The following TARS3 variants were observed in gnomAD, a reference collection of about 807,000 sequenced individuals.
The protein encoded by TARS3 is threonyl-tRNA synthetase 3, also known as threonine--tRNA ligase 2, cytoplasmic.
A neutral mutation model predicts 103.5 loss-of-function variants in TARS3; 94 were observed. The observed-to-expected ratio is 0.91, with a 90% confidence interval of 0.77 to 1.08. The LOEUF (loss-of-function observed/expected upper bound fraction) is 1.08. Among genes scored for constraint, TARS3 ranks in the 50% least tolerant of loss-of-function variants. TARS3 has a pLI of 0.00. For missense variants in TARS3, 952 were observed against 995.2 expected, an observed-to-expected ratio of 0.96 and a Z score of 0.58; for synonymous variants, 416 against 355.4, an observed-to-expected ratio of 1.17 and a Z score of -1.92.
intron 10 of TARS3, among the ~76,000 whole-genome samples, chr15:101,697,503 C>T (rs1899038064): frequency 6.6e-6 from 1 of 152,086 alleles, no homozygotes; most frequent in South Asian, 2.1e-4. Context: ...GAGGTATAAA[C>T]CAAACGTGAA....
At position 101,657,837 on chromosome 15, in the gene TARS3, C is replaced by T. The variant is rs763895741; in HGVS notation, c.2093G>A (p.Arg698His). Residue 698 changes from arginine to histidine, a missense_variant, in exon 17 of 19, where the codon CGT becomes CAT. Physicochemically the swap from Arg to His is conservative, Grantham distance 29. This residue lies in a region of TARS3 where 540 missense variants were observed against 631.0 expected (regional missense o/e 0.86). Transcript: ENST00000335968. ...CCCCACAGGGATGACCATCACCTGA[C>T]GAGGAGATAGCCAGAAAGGCCTGAA... ...GGKWPFWLSP[R>H]QVMVIPVGPT... 3.5e-5 allele frequency: 57 copies of T among 1,606,630 alleles called. No individual in the cohort carries two copies. Among genetic ancestry groups the T allele is most frequent in the African/African-American group, 5.4e-5 (4 of 74,630 alleles).
chr15:101,712,082 G>C lies in TARS3; in HGVS notation c.691-81C>G, dbSNP rs144465479. 1.0e-3 allele frequency: 1,505 copies of C among 1,471,592 alleles called. 12 individuals are homozygous for C. In the African/African-American group the frequency reaches 0.019, roughly 19 times the overall value. The allele number at this position is 1,471,592 out of a possible 1,614,324, so 91.2% of individuals were successfully genotyped here. On this transcript the variant is annotated intron_variant, in intron 4 of 18. Transcript: ENST00000335968. The stretch of plus-strand genomic sequence containing the variant: ...AGTAGTAAAATGATGTAAACCAGTA[G>C]AAAATTTTAAGGAGATACATGGCAA...
Position 101,661,814 on chromosome 15 carries a change from T to C in TARS3, c.1970A>G (p.Lys657Arg), listed in dbSNP as rs1349812385. 2 of 1,566,892 alleles carry C rather than the reference T, an allele frequency of 1.3e-6. No homozygotes were observed. The highest frequency in any genetic ancestry group is 1.9e-5 in the Admixed American group (1 of 52,252). Residue 657 changes from lysine to arginine, a missense_variant and splice_region_variant, in exon 16 of 19, where the codon AAG (lysine) becomes AGG (arginine). By Grantham distance (26) the Lys-to-Arg change is conservative. Around this residue, in one of 2 missense-constraint regions of TARS3, gnomAD observed 540 missense variants for 631.0 expected, o/e 0.86. Coordinates refer to ENST00000335968, the MANE Select transcript of TARS3 (RefSeq NM_152334.3). ...AGGTCTCTTCTTATCATCCCCATCC[T>C]TACTAAAAAATGAAAATTATACATT... ...PIRFNLTYVS[K>R]DGDDKKRPVI...
chr15:101,659,175 G>A (rs1399112916), intron 16 of TARS3, among the ~76,000 whole-genome samples: 1 of 152,210 alleles, frequency 6.6e-6, no homozygotes, highest in Non-Finnish European at 1.5e-5. Context: ...GGCAGGGTAG[G>A]TATAAACAGT....
chr15:101,657,002 G>C lies in TARS3; in HGVS notation c.2180C>G (p.Ala727Gly), dbSNP rs1195780079. The C allele has an allele frequency of 1.2e-6, 2 of 1,613,746 alleles. No individual in the cohort carries two copies. The highest frequency in any genetic ancestry group is 1.7e-5 in the Admixed American group (1 of 60,016). ...ACAACTGTGATCCAAGTCAACGTCA[G>C]CCATAAATCCTTCTTCAAAAAATTC... Reference protein sequence around the residue: ...SSEFFEEGFMADVDLDHSCTL... With the variant: ...SSEFFEEGFMGDVDLDHSCTL... Residue 727 changes from alanine to glycine, a missense_variant, in exon 18 of 19, where the codon GCT becomes GGT. By Grantham distance (60) the Ala-to-Gly change is moderately conservative. Around this residue, in one of 2 missense-constraint regions of TARS3, gnomAD observed 540 missense variants for 631.0 expected, o/e 0.86. Coordinates refer to ENST00000335968, the MANE Select transcript of TARS3 (RefSeq NM_152334.3).
At chr15:101,709,402 T>C (rs942962423) in intron 5 of TARS3, among the ~76,000 whole-genome samples, 9 of 152,058 alleles carry the variant, frequency 5.9e-5, no homozygotes, top group African/African-American at 1.9e-4. Context: ...CAGTGCTCAC[T>C]CCCTCCTGCC....
At chr15:101,719,975 T>C (rs1900365186) in intron 3 of TARS3, among the ~76,000 whole-genome samples, 1 of 152,162 alleles carries the variant, frequency 6.6e-6, no homozygotes, top group Non-Finnish European at 1.5e-5. Flanking sequence ...GTGATGCCCA[T>C]GCTGCTGGTC....
chr15:101,681,185 T>A (rs903495525), intron 12 of TARS3, among the ~76,000 whole-genome samples: 1 of 152,242 alleles, frequency 6.6e-6, no homozygotes, highest in Non-Finnish European at 1.5e-5. Flanking sequence ...TTTCTCATAA[T>A]TCTTGAAACC....
chr15:101,709,619 C>G (rs568264414), intron 5 of TARS3, among the ~76,000 whole-genome samples: 23 of 152,330 alleles, frequency 1.5e-4, no homozygotes, highest in African/African-American at 5.5e-4. Context: ...CTACACCTGG[C>G]TGATGTTCCT....
At chr15:101,719,225 C>T (rs1482046227) in intron 3 of TARS3, among the ~76,000 whole-genome samples, 3 of 152,184 alleles carry the variant, frequency 2.0e-5, no homozygotes, top group African/African-American at 7.2e-5. Flanking sequence ...CTTCTTTTTT[C>T]CAAGCACACA....
intron 10 of TARS3, among the ~76,000 whole-genome samples, chr15:101,699,600 C>T (rs562522177): frequency 6.6e-6 from 1 of 152,284 alleles, no homozygotes; most frequent in African/African-American, 2.4e-5. Context: ...CACCACCTGC[C>T]TAAATGTAAA....
At position 101,702,239 on chromosome 15, in the gene TARS3, C is replaced by T. The variant is rs1482154097; in HGVS notation, c.1221G>A (p.Lys407=). The T allele has an allele frequency of 9.3e-6, 15 of 1,614,134 alleles. No homozygotes were observed. Among genetic ancestry groups the T allele is most frequent in the Non-Finnish European group, 1.3e-5 (15 of 1,180,012 alleles). ...CCAGTGATTAAGATGTGGGGCATAC[C>T]TTCCCGATCTTCCTGTGATCTCGGT... is the stretch of plus-strand genomic sequence containing the variant. ...AKNRDHRKIG[K]EQELFFFHDL... Residue 407 remains lysine (K), a splice_region_variant and synonymous_variant, in exon 9 of 19, where the codon AAG becomes AAA. Coordinates refer to ENST00000335968, the MANE Select transcript of TARS3 (RefSeq NM_152334.3).
intron 9 of TARS3, among the ~76,000 whole-genome samples, chr15:101,701,385 T>C (rs1899267877): frequency 6.6e-6 from 1 of 152,240 alleles, no homozygotes; most frequent in Admixed American, 6.5e-5. Context: ...GAACTTAGCT[T>C]TTACTTCACC....
At chr15:101,655,133 A>G (rs547374127) in intron 18 of TARS3, among the ~76,000 whole-genome samples, 4 of 133,744 alleles carry the variant, frequency 3.0e-5, no homozygotes, top group Admixed American at 1.5e-4. Flanking sequence ...CTAGGGTGCA[A>G]ATGAGAGCGG....
rs181302236 is a variant in TARS3 at position 101,671,199 on chromosome 15, T to C, written c.1967+287A>G. ...AAGACACAGACCCAATGCCAGCATTTTGTGAAGTCTTCCCCCTGTAACTCA... is the reference window on the plus strand; with the variant it reads ...AAGACACAGACCCAATGCCAGCATTCTGTGAAGTCTTCCCCCTGTAACTCA... On this transcript the variant is annotated intron_variant, in intron 15 of 18. Coordinates refer to ENST00000335968, the MANE Select transcript of TARS3 (RefSeq NM_152334.3). Among the ~76,000 whole-genome samples, 40 of 152,304 alleles carry C rather than the reference T, an allele frequency of 2.6e-4. No individual in the cohort carries two copies. In the East Asian group the frequency reaches 6.8e-3, roughly 26 times the overall value.
chr15:101,724,349 C>G lies in TARS3; in HGVS notation c.39G>C (p.Ser13=). The change falls in exon 1 of 19, where the codon TCG becomes TCC. Residue 13 remains serine (S), a synonymous_variant. Coordinates refer to ENST00000335968, the MANE Select transcript of TARS3 (RefSeq NM_152334.3). ...AEALAAEAVA[S]RLERQEEDIR... ...TGTCCTCCTCCTGCCGCTCCAGGCGCGACGCCACGGCCTCCGCCGCCAGGG... is the reference window on the plus strand; with the variant it reads ...TGTCCTCCTCCTGCCGCTCCAGGCGGGACGCCACGGCCTCCGCCGCCAGGG... The G allele has an allele frequency of 6.4e-7, 1 of 1,551,824 alleles. No individual in the cohort carries two copies. The highest frequency in any genetic ancestry group is 1.2e-5 in the South Asian group (1 of 84,930).
At chr15:101,676,184 G>T (rs958400790) in intron 12 of TARS3, among the ~76,000 whole-genome samples, 1 of 152,224 alleles carries the variant, frequency 6.6e-6, no homozygotes, top group African/African-American at 2.4e-5. Flanking sequence ...AGGTGGGCAG[G>T]GGCCAGAGAA....
intron 9 of TARS3, among the ~76,000 whole-genome samples, chr15:101,701,763 C>G (rs571774932): frequency 2.0e-5 from 3 of 152,208 alleles, no homozygotes; most frequent in East Asian, 3.9e-4. Flanking sequence ...ATAAAGTGCA[C>G]AGAATGTAAA....
At chr15:101,691,589 T>C (rs1340713613) in intron 10 of TARS3, among the ~76,000 whole-genome samples, 1 of 152,202 alleles carries the variant, frequency 6.6e-6, no homozygotes, top group African/African-American at 2.4e-5. Flanking sequence ...CTTTTAAATT[T>C]TCTTCAATAA....
Sources: gnomAD v4.1 joint callset for allele counts (sites outside exome capture counted in the v4.1 genomes callset) on GRCh38, gnomAD v4.1.1 for gene constraint, gnomAD v4.1.1 regional missense constraint, MANE v1.5 for transcripts, NCBI Gene and HGNC (gene_info 2026-07-23, HGNC 2026-07-21) for gene names.